DAOA: variants seen among roughly 807,000 people sequenced by gnomAD.
DAOA encodes the protein D-amino acid oxidase regulator.
Under a neutral mutation model 16.4 loss-of-function variants are expected in DAOA, and 15 were observed. The ratio of observed to expected loss-of-function variants is 0.91; its 90% CI spans 0.61 to 1.41. DAOA has a LOEUF of 1.41. Ranked by LOEUF, DAOA falls within the 40% of genes most tolerant of loss-of-function variation. The pLI, the probability that DAOA is intolerant of heterozygous loss-of-function variation, is 0.00. For missense variants in DAOA, 230 were observed against 176.8 expected, an observed-to-expected ratio of 1.30 and a Z score of -1.71; for synonymous variants, 75 against 59.1, an observed-to-expected ratio of 1.27 and a Z score of -1.23.
chr13:105,472,360 T>A (rs1305834544), intron 3 of DAOA, among the ~76,000 whole-genome samples, 178 bp from the exon 4 acceptor site: 1 of 152,168 alleles, frequency 6.6e-6, no homozygotes, highest in East Asian at 1.9e-4. Flanking sequence ...AGATGTATAT[T>A]TCAATCAACA....
chr13:105,486,286 C>G (rs1055922802), intron 4 of DAOA, among the ~76,000 whole-genome samples: 3 of 152,042 alleles, frequency 2.0e-5, no homozygotes, highest in Non-Finnish European at 2.9e-5. Context: ...TTCTAATCAC[C>G]CTTGCTCTTT....
At chr13:105,466,179 A>C in intron 1 of DAOA, 37 bp from the exon 2 acceptor site, 1 of 1,531,118 alleles carries the variant, frequency 6.5e-7, no homozygotes, top group South Asian at 1.3e-5. Context: ...CTTAAAGTAA[A>C]AGCTTACTAG....
intron 3 of DAOA, among the ~76,000 whole-genome samples, chr13:105,470,703 G>A (rs770156561): frequency 3.3e-5 from 5 of 152,040 alleles, no homozygotes; most frequent in Non-Finnish European, 5.9e-5. Context: ...TCTGCGTCCT[G>A]GGTTCAAGCA....
At position 105,475,080 on chromosome 13, in the gene DAOA, T is replaced by A. The variant is rs145790304; in HGVS notation, c.281+2395T>A. On this transcript the variant is annotated intron_variant, in intron 4 of 5. Transcript: ENST00000375936. ...GGAAGGAGACACTGAGGTAAAGATG[T>A]TAAGCTGCATACCCCTAGTGAGATA... is the stretch of plus-strand genomic sequence containing the variant. The A allele has an allele frequency of 1.1e-3, 1,056 of 972,876 alleles. 4 individuals carry two copies. In the African/African-American group the frequency reaches 0.017, roughly 15 times the overall value. 60.3% of individuals were successfully genotyped at this position (972,876 alleles called of 1,614,324 possible). A position where few individuals can be genotyped will look rare whatever the true frequency, so the allele number is the denominator to read the frequency against.
In DAOA at chr13:105,490,040, T is replaced by C; in HGVS notation, c.421T>C (p.Ser141Pro). Reference sequence around the variant, plus strand: ...CAACTACAACCAGCAAAAAGACCAGTCATGCAACCACAAGGAAATAACTTC... The same window carrying C: ...CAACTACAACCAGCAAAAAGACCAGCCATGCAACCACAAGGAAATAACTTC... ...TCNYNQQKDQSCNHKEITSTK... is the reference protein window; with the variant it reads ...TCNYNQQKDQPCNHKEITSTK... Residue 141 changes from serine (S) to proline (P), a missense_variant, in exon 5 of 6, where the codon TCA becomes CCA. Ser to Pro is a moderately conservative substitution (Grantham distance 74). Coordinates refer to ENST00000375936, the MANE Select transcript of DAOA (RefSeq NM_172370.5). The C allele has an allele frequency of 6.3e-7, 1 of 1,598,528 alleles. No homozygotes were observed. Among genetic ancestry groups the C allele is most frequent in the African/African-American group, 1.3e-5 (1 of 74,640 alleles).
At chr13:105,488,769 C>T (rs896221448) in intron 4 of DAOA, among the ~76,000 whole-genome samples, 2 of 152,162 alleles carry the variant, frequency 1.3e-5, no homozygotes, top group Non-Finnish European at 2.9e-5. Flanking sequence ...AGTCATTAGA[C>T]CTTAGAATCC....
chr13:105,487,802 A>G (rs956436102), intron 4 of DAOA, among the ~76,000 whole-genome samples: 8 of 152,320 alleles, frequency 5.3e-5, no homozygotes, highest in Admixed American at 5.2e-4. Context: ...AAAATTGATC[A>G]TCAAAGTCCT....
intron 3 of DAOA, 30 bp from the exon 4 acceptor site, chr13:105,472,508 T>C: frequency 2.5e-6 from 4 of 1,604,414 alleles, no homozygotes; most frequent in South Asian, 1.1e-5. Flanking sequence ...AGTTAATATG[T>C]ATTATATATC....
In DAOA at chr13:105,474,430, T is replaced by G. The variant is rs1442757025; in HGVS notation, c.281+1745T>G. On this transcript the variant is annotated intron_variant, in intron 4 of 5. Coordinates refer to ENST00000375936, the MANE Select transcript of DAOA (RefSeq NM_172370.5). ...TTGTAATACATAGATATTGTCTTAC[T>G]AATGGCACTATTCTGCTTCTTCAAA... is the stretch of plus-strand genomic sequence containing the variant. Among the ~76,000 whole-genome samples the G allele has an allele frequency of 2.0e-5, 3 of 152,102 alleles. No homozygotes were observed. The East Asian group carries it at 5.8e-4, about 29-fold the overall frequency.
intron 4 of DAOA, among the ~76,000 whole-genome samples, chr13:105,474,180 T>A (rs538958338): frequency 6.6e-6 from 1 of 152,126 alleles, no homozygotes; most frequent in African/African-American, 2.4e-5. Context: ...ACTGAATGAA[T>A]CTTTGATATG....
intron 4 of DAOA, among the ~76,000 whole-genome samples, chr13:105,489,117 G>A (rs559151257): frequency 6.6e-6 from 1 of 152,302 alleles, no homozygotes; most frequent in Admixed American, 6.5e-5. Flanking sequence ...CTATTACTTA[G>A]TGTGTCCAGG....
chr13:105,481,213 A>G (rs1039962180), intron 4 of DAOA, among the ~76,000 whole-genome samples: 2 of 152,174 alleles, frequency 1.3e-5, no homozygotes, highest in Admixed American at 1.3e-4. Context: ...GGCACAATTT[A>G]TTCAAAACCC....
At chr13:105,483,062 C>T (rs1877863123) in intron 4 of DAOA, among the ~76,000 whole-genome samples, 1 of 152,100 alleles carries the variant, frequency 6.6e-6, no homozygotes, top group South Asian at 2.1e-4. Context: ...TCCTTCCTCT[C>T]CCCAGTTCTC....
chr13:105,472,974 T>C (rs999525877), intron 4 of DAOA, among the ~76,000 whole-genome samples: 2 of 152,152 alleles, frequency 1.3e-5, no homozygotes, highest in African/African-American at 4.8e-5. Flanking sequence ...AGGCCTCATA[T>C]CATCAGTAAA....
At chr13:105,487,256 AC>A (rs1878183959) in intron 4 of DAOA, among the ~76,000 whole-genome samples, 1 of 151,320 alleles carries the variant, frequency 6.6e-6, no homozygotes, top group Admixed American at 6.6e-5. Flanking sequence ...CTCCCCATTG[AC>A]TCCTCATGGT....
intron 3 of DAOA, among the ~76,000 whole-genome samples, chr13:105,470,282 A>G (rs1876840341): frequency 1.3e-5 from 2 of 152,116 alleles, no homozygotes; most frequent in Non-Finnish European, 2.9e-5. Context: ...CTCATATAAA[A>G]TGCTATTCTT....
At chr13:105,482,602 C>G (rs1877829222) in intron 4 of DAOA, among the ~76,000 whole-genome samples, 1 of 151,712 alleles carries the variant, frequency 6.6e-6, no homozygotes, top group Non-Finnish European at 1.5e-5. Context: ...CTCCGCCTCC[C>G]AGGTACAAGC....
chr13:105,472,571 C>G lies in DAOA; in HGVS notation c.167C>G (p.Thr56Arg). 6.2e-7 allele frequency: 1 copy of G among 1,613,856 alleles called. No individual in the cohort carries two copies. Among genetic ancestry groups the G allele is most frequent in the Non-Finnish European group, 8.5e-7 (1 of 1,179,886 alleles). ...KETEEGRETV[T>R]RKEGWKRRHE... ...ACAGAAGAAGGAAGAGAGACGGTAACAAGGAAAGAAGGATGGAAGAGAAGG... is the reference window on the plus strand; with the variant it reads ...ACAGAAGAAGGAAGAGAGACGGTAAGAAGGAAAGAAGGATGGAAGAGAAGG... Residue 56 changes from threonine to arginine, a missense_variant, in exon 4 of 6, where the codon ACA (threonine) becomes AGA (arginine). Thr to Arg is a moderately conservative substitution (Grantham distance 71, BLOSUM62 -1). Coordinates refer to ENST00000375936, the MANE Select transcript of DAOA (RefSeq NM_172370.5).
At chr13:105,469,241 T>A (rs1473291529) in intron 3 of DAOA, among the ~76,000 whole-genome samples, 1 of 152,204 alleles carries the variant, frequency 6.6e-6, no homozygotes, top group Non-Finnish European at 1.5e-5. Flanking sequence ...CTTATCACCA[T>A]CCACACTGTC....
Sources: gnomAD v4.1 joint callset for allele counts (sites outside exome capture counted in the v4.1 genomes callset) on GRCh38, gnomAD v4.1.1 for gene constraint, MANE v1.5 for transcripts, NCBI Gene and HGNC (gene_info 2026-07-23, HGNC 2026-07-21) for gene names.